Variants in BCL7C observed in about 807,000 individuals in gnomAD.
BCL7C encodes B-cell CLL/lymphoma 7 protein family member C.
In BCL7C, 8 loss-of-function variants were observed where a neutral mutation model predicts 26.2. That is an observed-to-expected ratio of 0.30 (90% CI 0.18 to 0.55). The LOEUF (loss-of-function observed/expected upper bound fraction) is 0.55, where lower values mean the gene tolerates loss of function less well. Among genes scored for constraint, BCL7C ranks in the 20% least tolerant of loss-of-function variants. The pLI is 0.93. For synonymous variants in BCL7C, 90 were observed against 116.5 expected (o/e 0.77, Z 1.47); for missense variants, 262 against 298.5 (o/e 0.88, Z 0.90).
In BCL7C at chr16:30,834,780, AT is replaced by A; in HGVS notation, c.*167del. On this transcript the variant is annotated 3_prime_UTR_variant, in exon 6 of 6. Coordinates refer to the BCL7C transcript ENST00000380317. The surrounding 1 kb of genome is among the most constrained non-coding windows in gnomAD (Gnocchi z 4.3). ...CATTCGGGCGCCAGTGGCGAGCCAG[AT>A]GGGTGCTGTGGCCTTAGGTTCGGGC... 1.6e-6 allele frequency: 1 copy of A among 623,752 alleles called. No homozygotes were observed. The allele number at this position is 623,752 out of a possible 1,614,324, so 38.6% of individuals were successfully genotyped here.
At chr16:30,871,367 T>C (rs1276857972) in intron 5 of BCL7C, among the ~76,000 whole-genome samples, 3 of 152,168 alleles carry the variant, frequency 2.0e-5, no homozygotes, top group Non-Finnish European at 2.9e-5. Flanking sequence ...TTCACTTCTC[T>C]GTGCCTTGCT....
chr16:30,883,584 TG>T (rs2055076645), downstream of BCL7C, among the ~76,000 whole-genome samples: 1 of 139,792 alleles, frequency 7.2e-6, no homozygotes, highest in Admixed American at 7.2e-5. Context: ...AATCTCACTC[TG>T]TTGCCCAGGC....
intron 5 of BCL7C, among the ~76,000 whole-genome samples, chr16:30,863,218 C>T (rs2054793393): frequency 6.6e-6 from 1 of 152,216 alleles, no homozygotes; most frequent in Non-Finnish European, 1.5e-5. Flanking sequence ...TCGCCACTCA[C>T]CAGCAAAGGT....
intron 5 of BCL7C, among the ~76,000 whole-genome samples, chr16:30,863,022 A>C (rs1248730209): frequency 1.3e-5 from 2 of 152,112 alleles, no homozygotes; most frequent in African/African-American, 4.8e-5. Context: ...CCTGTAGCCT[A>C]TCCAAACAAC....
intron 5 of BCL7C, among the ~76,000 whole-genome samples, chr16:30,866,267 A>G (rs568771699): frequency 2.0e-4 from 30 of 152,208 alleles, no homozygotes; most frequent in African/African-American, 7.2e-4. Flanking sequence ...AGGAAAGAAG[A>G]TAAACACTAG....
downstream of BCL7C, among the ~76,000 whole-genome samples, chr16:30,886,629 C>G (rs2055136295): frequency 6.6e-6 from 1 of 152,142 alleles, no homozygotes; most frequent in Non-Finnish European, 1.5e-5. Flanking sequence ...GATCCCAGAA[C>G]AGCCTGATAA....
intron 5 of BCL7C, among the ~76,000 whole-genome samples, chr16:30,866,593 G>T (rs1333300781): frequency 1.3e-5 from 2 of 150,766 alleles, no homozygotes; most frequent in South Asian, 2.1e-4. Flanking sequence ...AAAAAAAGGT[G>T]GGGGGGTGGG....
At chr16:30,881,392 T>TCACACACACACACA (rs72155482) in intron 5 of BCL7C, among the ~76,000 whole-genome samples, 5,159 of 144,128 alleles carry the variant, frequency 0.036, 120 homozygotes, top group Non-Finnish European at 0.052. Flanking sequence ...TGAGACTCCG[T>TCACACACACACACA]CACACACACA....
chr16:30,836,082 G>A (rs947602420), intron 5 of BCL7C, among the ~76,000 whole-genome samples: 5 of 151,892 alleles, frequency 3.3e-5, no homozygotes, highest in Admixed American at 1.3e-4. Context: ...GTGAAACCCC[G>A]TCTCTACTAA....
At chr16:30,856,776 G>C (rs1596590908) in intron 5 of BCL7C, among the ~76,000 whole-genome samples, 1 of 152,166 alleles carries the variant, frequency 6.6e-6, no homozygotes, top group South Asian at 2.1e-4. Flanking sequence ...GCTGCCGGCC[G>C]GCACAGAGCC....
Position 30,887,926 on chromosome 16 carries a change from G to A in BCL7C, c.593C>T (p.Thr198Ile). ...TGGGGGGGCACCCTCCGAGTCCTCT[G>A]TGTCACCCTGGGCTGCCTCAGGGAC... The part of the protein sequence containing the change: ...PPVPEAAQGD[T>I]EDSEGAPPLK... Residue 198 changes from threonine (T) to isoleucine (I), a missense_variant, in exon 6 of 6, where the codon ACA becomes ATA. Physicochemically the swap from Thr to Ile is moderately conservative, Grantham distance 89. Coordinates refer to ENST00000215115, the MANE Select transcript of BCL7C (RefSeq NM_004765.4). 2 of 1,606,104 alleles carry A rather than the reference G, an allele frequency of 1.2e-6. No individual in the cohort carries two copies. The highest frequency in any genetic ancestry group is 1.7e-6 in the Non-Finnish European group (2 of 1,176,676).
At chr16:30,851,120 C>A in intron 5 of BCL7C, 1 of 251,260 alleles carries the variant, frequency 4.0e-6, no homozygotes, top group South Asian at 4.8e-5. Context: ...AAAGCATTTT[C>A]TGCATCCTAC....
downstream of BCL7C, among the ~76,000 whole-genome samples, chr16:30,884,002 G>A (rs2055086033): frequency 6.6e-6 from 1 of 151,338 alleles, no homozygotes; most frequent in Non-Finnish European, 1.5e-5. Flanking sequence ...GTGGGTGTCT[G>A]TAGTCCCAGC....
chr16:30,863,556 T>C (rs1395218574), intron 5 of BCL7C, among the ~76,000 whole-genome samples: 1 of 152,182 alleles, frequency 6.6e-6, no homozygotes, highest in Non-Finnish European at 1.5e-5. Flanking sequence ...CAGATCCCAT[T>C]GCTCAGGGCA....
chr16:30,837,042 C>A (rs868566209), intron 5 of BCL7C, among the ~76,000 whole-genome samples: 3 of 152,200 alleles, frequency 2.0e-5, no homozygotes, highest in African/African-American at 4.8e-5. Flanking sequence ...GATCCACCTG[C>A]CTCAGCCTCC....
At chr16:30,891,847 C>G (rs1167840524) in intron 4 of BCL7C, among the ~76,000 whole-genome samples, 9 of 152,066 alleles carry the variant, frequency 5.9e-5, no homozygotes, top group Non-Finnish European at 1.5e-5. Flanking sequence ...CACCTGAGTC[C>G]CAGCTATTTG....
At position 30,879,689 on chromosome 16, in the gene BCL7C, C is replaced by CAAAAAAAA. The variant is rs1187827463; in HGVS notation, c.528+9163_528+9170dup. Among the ~76,000 whole-genome samples, 38 of 29,392 alleles carry CAAAAAAAA rather than the reference C, an allele frequency of 1.3e-3. 11 individuals carry two copies. The highest frequency in any genetic ancestry group is 6.5e-4 in the Non-Finnish European group (11 of 16,954). The allele number at this position is 29,392 out of a possible 152,430, so 19.3% of individuals were successfully genotyped here. A position where few individuals can be genotyped will look rare whatever the true frequency, so the allele number is the denominator to read the frequency against. On this transcript the variant is annotated intron_variant, in intron 5 of 5. Transcript: ENST00000380317. ...AACACAGAGAGACTCCCCTTCTCTA[C>CAAAAAAAA]AAAAAAAAAAAAAAAAAAAACTGGG...
intron 5 of BCL7C, chr16:30,875,311 C>G (rs931223200): frequency 1.9e-5 from 3 of 154,114 alleles, no homozygotes; most frequent in African/African-American, 7.2e-5. Flanking sequence ...CAGCCCTGCG[C>G]ACTGCTGAGG....
chr16:30,840,158 A>G (rs2054592961), intron 5 of BCL7C, among the ~76,000 whole-genome samples: 1 of 150,254 alleles, frequency 6.7e-6, no homozygotes, highest in Admixed American at 6.6e-5. Context: ...TCCCCTTGAG[A>G]GTGAACCTGT....
Sources: gnomAD v4.1 joint callset for allele counts (sites outside exome capture counted in the v4.1 genomes callset) on GRCh38, gnomAD v4.1.1 for gene constraint, Gnocchi (gnomAD v3.1) non-coding constraint, MANE v1.5 for transcripts, NCBI Gene and HGNC (gene_info 2026-07-23, HGNC 2026-07-21) for gene names.